The following KIAA0586 variants were observed in gnomAD, a reference collection of about 807,000 sequenced individuals.
The protein encoded by KIAA0586 is protein TALPID3.
A neutral mutation model predicts 169.8 loss-of-function variants in KIAA0586; 144 were observed. The observed-to-expected ratio is 0.85, with a 90% CI of 0.74 to 0.97. The LOEUF (loss-of-function observed/expected upper bound fraction) is 0.97. KIAA0586 is among the 50% of genes least tolerant of loss of function. The pLI is 0.00. For synonymous variants in KIAA0586, 625 were observed against 612.4 expected (o/e 1.02, Z -0.30); for missense variants, 1,854 against 1,823.0 (o/e 1.02, Z -0.31).
chr14:58,502,868 A>G (rs1032733679), intron 27 of KIAA0586, among the ~76,000 whole-genome samples: 1 of 152,190 alleles, frequency 6.6e-6, no homozygotes, highest in Non-Finnish European at 1.5e-5. Flanking sequence ...AATCAACTAT[A>G]TATGCTAGTG....
At chr14:58,547,153 T>C (rs1331793507) in intron 30 of KIAA0586, among the ~76,000 whole-genome samples, 1 of 123,976 alleles carries the variant, frequency 8.1e-6, no homozygotes, top group Non-Finnish European at 1.7e-5. Context: ...TCTTACCTCT[T>C]TTAAAAAAAA....
At chr14:58,525,204 A>G (rs2045493609) in intron 29 of KIAA0586, among the ~76,000 whole-genome samples, 1 of 152,088 alleles carries the variant, frequency 6.6e-6, no homozygotes, top group Non-Finnish European at 1.5e-5. Context: ...GTTTCAACAA[A>G]ATTGTTTCTC....
intron 9 of KIAA0586, among the ~76,000 whole-genome samples, chr14:58,455,029 C>A (rs1340280381): frequency 6.6e-6 from 1 of 152,104 alleles, no homozygotes; most frequent in Non-Finnish European, 1.5e-5. Context: ...TTTCTTTCCC[C>A]AATTATCCTC....
chr14:58,429,348 C>G lies in KIAA0586; in HGVS notation c.200-15C>G. The G allele has an allele frequency of 2.0e-6, 3 of 1,500,966 alleles. No homozygotes were observed. The highest frequency in any genetic ancestry group is 2.8e-6 in the Non-Finnish European group (3 of 1,077,612). 93.0% of individuals were successfully genotyped at this position (1,500,966 alleles called of 1,614,324 possible). ...GATTTTAAAATCACTAAAATCTATT[C>G]CTTTGTTTTGTTAGGTTCATCAGAC... On this transcript the variant is annotated splice_polypyrimidine_tract_variant and intron_variant, in intron 1 of 30. Transcript: ENST00000652326.
chr14:58,474,733 A>G lies in KIAA0586; in HGVS notation c.2761A>G (p.Thr921Ala). 6.2e-7 allele frequency: 1 copy of G among 1,613,078 alleles called. No individual in the cohort carries two copies. The highest frequency in any genetic ancestry group is 1.1e-5 in the South Asian group (1 of 90,912). Residue 921 changes from threonine to alanine, a missense_variant, in exon 19 of 31, where the codon ACT becomes GCT. Coordinates refer to ENST00000652326, the MANE Select transcript of KIAA0586 (RefSeq NM_001329943.3). Reference sequence around the variant, plus strand: ...GCCAGTTGCTTCTACTTTTCAGCCCACTGCTGATATTCTGGATAAAGTAAT... The same window carrying G: ...GCCAGTTGCTTCTACTTTTCAGCCCGCTGCTGATATTCTGGATAAAGTAAT... ...FPPVASTFQP[T>A]ADILDKVIER...
intron 3 of KIAA0586, 67 bp downstream of exon 3, chr14:58,430,784 A>C: frequency 1.2e-6 from 1 of 858,526 alleles, no homozygotes; most frequent in Non-Finnish European, 1.9e-6. Context: ...TTACTACTTT[A>C]AAATGTACAG....
chr14:58,469,282 C>T (rs1476625462), intron 16 of KIAA0586, among the ~76,000 whole-genome samples: 5 of 152,218 alleles, frequency 3.3e-5, no homozygotes, highest in African/African-American at 1.2e-4. Flanking sequence ...ATTCCCGGCC[C>T]TGTGCTTGAT....
At position 58,443,959 on chromosome 14, in the gene KIAA0586, G is replaced by T. The variant is rs765538022; in HGVS notation, c.591G>T (p.Gln197His). The T allele has an allele frequency of 2.5e-6, 4 of 1,593,058 alleles. No individual in the cohort carries two copies. The highest frequency in any genetic ancestry group is 3.4e-6 in the Non-Finnish European group (4 of 1,165,166). The change falls in exon 6 of 31, where the codon CAG becomes CAT. Residue 197 changes from glutamine (Q) to histidine (H), a missense_variant. By Grantham distance (24) the Gln-to-His change is conservative. Transcript: ENST00000652326. Reference protein sequence around the residue: ...IATAAPLIKVQSDLEAKVNSV... With the variant: ...IATAAPLIKVHSDLEAKVNSV... Reference sequence around the variant, plus strand: ...AAATGTTTTTATTGTTTTAGGTGCAGAGTGATTTGGAAGCAAAAGTCAATT... The same window carrying T: ...AAATGTTTTTATTGTTTTAGGTGCATAGTGATTTGGAAGCAAAAGTCAATT...
chr14:58,525,972 G>A (rs78028598), intron 29 of KIAA0586, among the ~76,000 whole-genome samples: 1,920 of 152,318 alleles, frequency 0.013, 42 homozygotes, highest in African/African-American at 0.042. Context: ...AACCCACCAT[G>A]TCTCAGCAAA....
intron 29 of KIAA0586, among the ~76,000 whole-genome samples, chr14:58,525,737 T>A (rs1396120712): frequency 6.6e-6 from 1 of 152,216 alleles, no homozygotes; most frequent in Non-Finnish European, 1.5e-5. Context: ...GAAACAGGGC[T>A]GAAGCCAGGG....
Position 58,466,032 on chromosome 14 carries a change from A to G in KIAA0586, c.2254+3A>G, listed in dbSNP as rs1384474025. The G allele has an allele frequency of 6.4e-7, 1 of 1,565,096 alleles. No individual in the cohort carries two copies. The highest frequency in any genetic ancestry group is 1.4e-5 in the African/African-American group (1 of 73,164). ...GATTCCTATGGCAATTCTTTTAGGT[A>G]AGAATCAACAAAATATGTGGGATGG... On this transcript the variant is annotated splice_donor_region_variant and intron_variant, in intron 15 of 30. Coordinates refer to ENST00000652326, the MANE Select transcript of KIAA0586 (RefSeq NM_001329943.3).
intron 15 of KIAA0586, 76 bp from the exon 16 acceptor site, chr14:58,467,659 A>T: frequency 9.6e-7 from 1 of 1,044,382 alleles, no homozygotes. Context: ...TATAGCCATT[A>T]AGATCCAGAT....
intron 4 of KIAA0586, among the ~76,000 whole-genome samples, chr14:58,436,615 A>G (rs1312089921): frequency 6.6e-6 from 1 of 152,200 alleles, no homozygotes; most frequent in Non-Finnish European, 1.5e-5. Flanking sequence ...ACACTTACCT[A>G]GAAGAACATA....
chr14:58,535,573 A>G (rs148227152), intron 29 of KIAA0586, among the ~76,000 whole-genome samples: 1 of 152,282 alleles, frequency 6.6e-6, no homozygotes, highest in Non-Finnish European at 1.5e-5. Context: ...TGAAAATGCT[A>G]TTATTTAAGA....
chr14:58,460,956 A>G, intron 13 of KIAA0586, 30 bp from the exon 14 acceptor site: 1 of 1,479,108 alleles, frequency 6.8e-7, no homozygotes, highest in South Asian at 1.4e-5. Flanking sequence ...GACTGTTTTC[A>G]TGGTGAGTTG....
At chr14:58,487,275 C>A in intron 22 of KIAA0586, 109 bp downstream of exon 22, 2 of 996,492 alleles carry the variant, frequency 2.0e-6, no homozygotes, top group Non-Finnish European at 2.9e-6. Flanking sequence ...TTTTTTCTCA[C>A]AAGGAAATTT....
rs79957283 is a variant in KIAA0586 at position 58,509,220 on chromosome 14, A to G, written c.4323+511A>G. On this transcript the variant is annotated intron_variant, in intron 28 of 30. Transcript: ENST00000652326. ...GTGACAGAGTGAGACTCTTGTCTCAAAAAAAATGAATAAGTAAATAAAACA... is the reference window on the plus strand; with the variant it reads ...GTGACAGAGTGAGACTCTTGTCTCAGAAAAAATGAATAAGTAAATAAAACA... 2.7e-3 allele frequency among the ~76,000 whole-genome samples: 417 copies of G among 152,242 alleles called. 14 individuals carry two copies. The East Asian group carries it at 0.074, about 27-fold the overall frequency.
At position 58,540,097 on chromosome 14, in the gene KIAA0586, C is replaced by A; in HGVS notation, c.4456C>A (p.Gln1486Lys). ...TTCACCAGGTGATATGGATCGGACA[C>A]AAATTGAGCTTAATCCGTACCTCAC... ...QVSPGDMDRT[Q>K]IELNPYLTCV... The change falls in exon 30 of 31, where the codon CAA (glutamine) becomes AAA (lysine). Residue 1486 changes from glutamine to lysine, a missense_variant. Coordinates refer to ENST00000652326, the MANE Select transcript of KIAA0586 (RefSeq NM_001329943.3). 1 of 1,562,858 alleles carries A rather than the reference C, an allele frequency of 6.4e-7. No individual in the cohort carries two copies. The highest frequency in any genetic ancestry group is 8.7e-7 in the Non-Finnish European group (1 of 1,150,566).
At chr14:58,449,172 A>C (rs1338933936) in intron 7 of KIAA0586, among the ~76,000 whole-genome samples, 1 of 152,140 alleles carries the variant, frequency 6.6e-6, no homozygotes, top group Non-Finnish European at 1.5e-5. Context: ...TCAGCACTTG[A>C]TTTGTTAGAA....
Sources: allele counts gnomAD v4.1 joint callset (sites outside exome capture counted in the v4.1 genomes callset), GRCh38; gene constraint gnomAD v4.1.1; transcripts MANE v1.5; gene names NCBI Gene and HGNC (gene_info 2026-07-23, HGNC 2026-07-21).